Variants in PLEKHG7 observed in about 807,000 individuals in gnomAD.
PLEKHG7 encodes the protein pleckstrin homology and RhoGEF domain containing G7, also known as pleckstrin homology domain-containing family G member 7.
A neutral mutation model predicts 85.2 loss-of-function variants in PLEKHG7; 77 were observed. The observed-to-expected ratio is 0.90, with a 90% confidence interval of 0.75 to 1.09. The LOEUF is 1.09. Among genes scored for constraint, PLEKHG7 ranks in the 50% least tolerant of loss-of-function variants. The pLI is 0.00. For synonymous variants in PLEKHG7, 301 were observed against 302.4 expected (o/e 1.00, Z 0.05); for missense variants, 777 against 804.3 (o/e 0.97, Z 0.41).
At position 92,764,190 on chromosome 12, in the gene PLEKHG7, G is replaced by T. The variant is rs775079539; in HGVS notation, c.1866G>T (p.Val622=). The part of the protein sequence containing the change: ...LVVKSIEPLH[V]SVFGLRNAFL... Reference sequence around the variant, plus strand: ...TCAAAAGTATTGAACCACTCCATGTGTCAGGTATGTGTCTATTTTCATTAT... The same window carrying T: ...TCAAAAGTATTGAACCACTCCATGTTTCAGGTATGTGTCTATTTTCATTAT... The change falls in exon 15 of 17, where the codon GTG becomes GTT. Residue 622 remains valine, a synonymous_variant. Transcript: ENST00000344636. 10 of 1,602,978 alleles carry T rather than the reference G, an allele frequency of 6.2e-6. No individual in the cohort carries two copies. The highest frequency in any genetic ancestry group is 3.4e-5 in the Admixed American group (2 of 58,876).
rs139850594 is a variant in PLEKHG7 at position 92,745,990 on chromosome 12, G to A, written c.1251+399G>A. Among the ~76,000 whole-genome samples, 1,064 of 152,310 alleles carry A rather than the reference G, an allele frequency of 7.0e-3. 15 individuals carry two copies. Among genetic ancestry groups the A allele is most frequent in the African/African-American group, 0.023 (966 of 41,562 alleles). On this transcript the variant is annotated intron_variant, in intron 10 of 16. Transcript: ENST00000344636. ...AGAAACTTGGGACATCATTTACACT[G>A]TATTCTACATGAATGCTGCCCCCTT...
At chr12:92,712,218 C>T (rs117074999) in intron 3 of PLEKHG7, among the ~76,000 whole-genome samples, 135 of 152,234 alleles carry the variant, frequency 8.9e-4, no homozygotes, top group Non-Finnish European at 1.5e-3. Flanking sequence ...CTTGCGGAGG[C>T]GAAAAGCGAT....
chr12:92,732,965 C>T (rs547496562), intron 5 of PLEKHG7, among the ~76,000 whole-genome samples: 2 of 152,254 alleles, frequency 1.3e-5, no homozygotes, highest in East Asian at 1.9e-4. Context: ...TTACACACCA[C>T]GACCAGCAGC....
rs965425897 is a variant in PLEKHG7, at chr12:92,772,180, A to C, written c.*1985A>C. The C allele has an allele frequency of 5.3e-5, 8 of 151,910 alleles. No homozygotes were observed. The highest frequency in any genetic ancestry group is 8.8e-5 in the Non-Finnish European group (6 of 67,858). 9.4% of individuals were successfully genotyped at this position (151,910 alleles called of 1,614,324 possible). On this transcript the variant is annotated 3_prime_UTR_variant, in exon 17 of 17. Coordinates refer to ENST00000344636, the MANE Select transcript of PLEKHG7 (RefSeq NM_001377329.1). ...GAGAAAAATAAATAAATAAATAAAT[A>C]AATAATGTTTTAAGTATCTTTAAAT...
intron 5 of PLEKHG7, among the ~76,000 whole-genome samples, chr12:92,736,189 CTGTT>C (rs1265452086): frequency 6.6e-6 from 1 of 151,886 alleles, no homozygotes; most frequent in Non-Finnish European, 1.5e-5. Context: ...CATGATAAGA[CTGTT>C]TGCTATATGA....
Position 92,754,234 on chromosome 12 carries a change from T to C in PLEKHG7, c.1396T>C (p.Ser466Pro), listed in dbSNP as rs1475819200. 6.2e-7 allele frequency: 1 copy of C among 1,613,806 alleles called. No individual in the cohort carries two copies. Among genetic ancestry groups the C allele is most frequent in the Non-Finnish European group, 8.5e-7 (1 of 1,179,936 alleles). The change falls in exon 11 of 17, where the codon TCC becomes CCC. Residue 466 changes from serine to proline, a missense_variant. Physicochemically the swap from Ser to Pro is moderately conservative, Grantham distance 74. Around this residue, in one of 3 missense-constraint regions of PLEKHG7, gnomAD observed 520 missense variants for 544.0 expected, o/e 0.96. Coordinates refer to ENST00000344636, the MANE Select transcript of PLEKHG7 (RefSeq NM_001377329.1). ...CTCTGCTGAGAAAATCATGATCTACTCCATCAAGGAAAAGGTGGAAAAGTC... is the reference window on the plus strand; with the variant it reads ...CTCTGCTGAGAAAATCATGATCTACCCCATCAAGGAAAAGGTGGAAAAGTC... ...MDSAEKIMIY[S>P]IKEKVEKSIR...
intron 10 of PLEKHG7, among the ~76,000 whole-genome samples, chr12:92,749,307 A>C: frequency 6.7e-6 from 1 of 149,670 alleles, no homozygotes; most frequent in African/African-American, 2.5e-5. Flanking sequence ...TTATTTATTT[A>C]TTGAGACAGA....
chr12:92,717,857 A>T (rs1871531898), intron 3 of PLEKHG7, among the ~76,000 whole-genome samples: 1 of 152,222 alleles, frequency 6.6e-6, no homozygotes, highest in Non-Finnish European at 1.5e-5. Flanking sequence ...TAAGCAATGC[A>T]CACCTGTAGT....
At position 92,704,768 on chromosome 12, in the gene PLEKHG7, G is replaced by T. The variant is rs990715877; in HGVS notation, c.-162+1636G>T. Among the ~76,000 whole-genome samples, 3 of 152,170 alleles carry T rather than the reference G, an allele frequency of 2.0e-5. No homozygotes were observed. In the East Asian group the frequency reaches 5.8e-4, roughly 29 times the overall value. ...TTTTAAAAAGGTTTTTATAGAGATG[G>T]GGTCTCACTATGTTGCCCAGGCTGG... On this transcript the variant is annotated intron_variant, in intron 1 of 16. Coordinates refer to ENST00000344636, the MANE Select transcript of PLEKHG7 (RefSeq NM_001377329.1).
Position 92,764,148 on chromosome 12 carries a change from A to G in PLEKHG7, c.1824A>G (p.Pro608=). 6.2e-7 allele frequency: 1 copy of G among 1,608,854 alleles called. No individual in the cohort carries two copies. Among genetic ancestry groups the G allele is most frequent in the Non-Finnish European group, 8.5e-7 (1 of 1,177,220 alleles). ...GTACAGTACTCGATCAGCCTATTCC[A>G]CTAGATAGATTGGTAGTCAAAAGTA... The part of the protein sequence containing the change: ...GSCTVLDQPI[P]LDRLVVKSIE... Residue 608 remains proline, a synonymous_variant, in exon 15 of 17, where the codon CCA becomes CCG. Transcript: ENST00000344636.
At chr12:92,750,445 A>T (rs1458929984) in intron 10 of PLEKHG7, among the ~76,000 whole-genome samples, 1 of 152,112 alleles carries the variant, frequency 6.6e-6, no homozygotes, top group Admixed American at 6.5e-5. Context: ...TCTCTAAATT[A>T]TTTACCACGG....
At chr12:92,756,204 A>G in intron 12 of PLEKHG7, 94 bp from the exon 13 acceptor site, 2 of 919,982 alleles carry the variant, frequency 2.2e-6, no homozygotes, top group Non-Finnish European at 3.4e-6. Context: ...AATGTCATGA[A>G]CTTTCTAGAT....
intron 3 of PLEKHG7, among the ~76,000 whole-genome samples, chr12:92,711,848 A>G (rs970523792): frequency 8.5e-5 from 13 of 152,158 alleles, no homozygotes; most frequent in Non-Finnish European, 1.9e-4. Context: ...TCTGGACCCC[A>G]CTCAAAACTG....
chr12:92,721,465 C>T, intron 3 of PLEKHG7: 1 of 1,231,374 alleles, frequency 8.1e-7, no homozygotes, highest in Non-Finnish European at 1.0e-6. Context: ...CGAGACTATT[C>T]CAGCAGCCAT....
intron 13 of PLEKHG7, among the ~76,000 whole-genome samples, 174 bp downstream of exon 13, chr12:92,756,565 G>A (rs774620047): frequency 2.0e-5 from 3 of 152,194 alleles, no homozygotes; most frequent in Non-Finnish European, 4.4e-5. Flanking sequence ...TGAAGACTTC[G>A]CAACATAACT....
chr12:92,741,250 TATAA>T (rs1236430619), intron 8 of PLEKHG7, among the ~76,000 whole-genome samples: 1 of 152,170 alleles, frequency 6.6e-6, no homozygotes, highest in Non-Finnish European at 1.5e-5. Flanking sequence ...TCGCATACAT[TATAA>T]ATAAATAATA....
At chr12:92,711,088 A>G (rs191700033) in intron 3 of PLEKHG7, among the ~76,000 whole-genome samples, 1 of 152,314 alleles carries the variant, frequency 6.6e-6, no homozygotes, top group East Asian at 1.9e-4. Flanking sequence ...ATCAGTATAT[A>G]ATCGCACATC....
At chr12:92,748,224 G>A (rs1314245784) in intron 10 of PLEKHG7, among the ~76,000 whole-genome samples, 2 of 150,364 alleles carry the variant, frequency 1.3e-5, no homozygotes, top group Admixed American at 6.6e-5. Flanking sequence ...GGTAGTAGAG[G>A]ATAAGTGCTG....
intron 13 of PLEKHG7, 90 bp from the exon 14 acceptor site, chr12:92,761,656 AAGAAAG>A (rs1404464597): frequency 3.1e-6 from 4 of 1,284,844 alleles, no homozygotes; most frequent in East Asian, 6.5e-5. Context: ...GAAAGAAAGA[AAGAAAG>A]AAAGAAAGAA....
Sources: gnomAD v4.1 joint callset for allele counts (sites outside exome capture counted in the v4.1 genomes callset) on GRCh38, gnomAD v4.1.1 for gene constraint, gnomAD v4.1.1 regional missense constraint, MANE v1.5 for transcripts, NCBI Gene and HGNC (gene_info 2026-07-23, HGNC 2026-07-21) for gene names.